The following EIF4G3 variants were observed in gnomAD, a reference collection of about 807,000 sequenced individuals.
EIF4G3 encodes eIF-4-gamma 3.
A neutral mutation model predicts 186.4 loss-of-function variants in EIF4G3; 34 were observed. The ratio of observed to expected loss-of-function variants is 0.18; its 90% CI spans 0.14 to 0.24. EIF4G3 has a LOEUF of 0.24. Among genes scored for constraint, EIF4G3 ranks in the 10% least tolerant of loss-of-function variants. EIF4G3 has a pLI of 1.00. For synonymous variants in EIF4G3, 673 were observed against 679.5 expected, an observed-to-expected ratio of 0.99 and a Z score of 0.15; for missense variants, 1,536 against 1,948.5, an observed-to-expected ratio of 0.79 and a Z score of 3.99.
At chr1:20,994,620 CAT>C (rs1166158997) in intron 7 of EIF4G3, among the ~76,000 whole-genome samples, 2 of 140,702 alleles carry the variant, frequency 1.4e-5, no homozygotes, top group Non-Finnish European at 1.5e-5. Flanking sequence ...ATATAATAAA[CAT>C]ATATACTTTT....
At chr1:21,098,702 G>A (rs1423377552) in intron 2 of EIF4G3, among the ~76,000 whole-genome samples, 2 of 152,148 alleles carry the variant, frequency 1.3e-5, no homozygotes, top group African/African-American at 4.8e-5. Context: ...CCACACTGGA[G>A]TGCAGTTGCA....
intron 14 of EIF4G3, among the ~76,000 whole-genome samples, chr1:20,919,113 T>A (rs988705365): frequency 6.6e-6 from 1 of 152,234 alleles, no homozygotes; most frequent in Non-Finnish European, 1.5e-5. Flanking sequence ...TTAGATGCTT[T>A]GTTTTCTTTT....
chr1:20,814,273 A>T (rs2059903631), intron 34 of EIF4G3, among the ~76,000 whole-genome samples: 1 of 152,116 alleles, frequency 6.6e-6, no homozygotes, highest in Non-Finnish European at 1.5e-5. Flanking sequence ...GACCAGATGA[A>T]TCACATTTTT....
chr1:21,132,415 G>C (rs2097169004), intron 2 of EIF4G3, among the ~76,000 whole-genome samples: 2 of 152,052 alleles, frequency 1.3e-5, no homozygotes, highest in African/African-American at 4.8e-5. Context: ...GGTTCTTTCT[G>C]AATAGTGAAA....
chr1:21,141,424 A>T (rs930932944), intron 2 of EIF4G3, among the ~76,000 whole-genome samples: 1 of 147,762 alleles, frequency 6.8e-6, no homozygotes, highest in African/African-American at 2.5e-5. Context: ...TAAAAAAAAA[A>T]AGTGTGAGAA....
chr1:20,905,922 G>C (rs1186094833), intron 14 of EIF4G3, among the ~76,000 whole-genome samples: 2 of 152,134 alleles, frequency 1.3e-5, no homozygotes, highest in Admixed American at 1.3e-4. Context: ...ATAATTCACT[G>C]AGACTCTGGG....
At chr1:21,014,794 C>T (rs184093788) in intron 4 of EIF4G3, among the ~76,000 whole-genome samples, 18 of 152,146 alleles carry the variant, frequency 1.2e-4, no homozygotes, top group Admixed American at 8.5e-4. Context: ...CTACCACACC[C>T]GGCTAGTTTT....
At chr1:20,903,789 G>A (rs944004596) in intron 15 of EIF4G3, among the ~76,000 whole-genome samples, 11 of 152,210 alleles carry the variant, frequency 7.2e-5, no homozygotes, top group South Asian at 6.2e-4. Flanking sequence ...TAAAAAAGCC[G>A]AATGAAGTAA....
chr1:20,871,151 T>G (rs201949757), intron 20 of EIF4G3, among the ~76,000 whole-genome samples: 3 of 152,220 alleles, frequency 2.0e-5, no homozygotes, highest in East Asian at 1.9e-4. Context: ...ACTGCAAAGT[T>G]ACAAAAGAGG....
intron 30 of EIF4G3, among the ~76,000 whole-genome samples, chr1:20,831,805 G>A (rs1191980225): frequency 1.5e-5 from 2 of 137,790 alleles, no homozygotes; most frequent in African/African-American, 5.4e-5. Context: ...TCTCCTTCCT[G>A]TGTCCATGTG....
intron 19 of EIF4G3, among the ~76,000 whole-genome samples, chr1:20,882,590 C>T (rs1024681700): frequency 1.3e-5 from 2 of 149,612 alleles, no homozygotes; most frequent in African/African-American, 4.9e-5. Flanking sequence ...CACTGTACTC[C>T]AGCCAGGGCG....
At chr1:21,137,927 C>G (rs1162816573) in intron 2 of EIF4G3, among the ~76,000 whole-genome samples, 4 of 151,012 alleles carry the variant, frequency 2.6e-5, no homozygotes, top group East Asian at 3.9e-4. Flanking sequence ...AAAAAGCAAA[C>G]AAAGAAAAGA....
intron 10 of EIF4G3, among the ~76,000 whole-genome samples, chr1:20,979,879 T>C (rs562830682): frequency 1.8e-4 from 27 of 151,994 alleles, no homozygotes; most frequent in African/African-American, 6.3e-4. Flanking sequence ...GCCTCCCGAA[T>C]ATCTGGGACT....
At chr1:20,846,832 T>G (rs188452901) in intron 29 of EIF4G3, among the ~76,000 whole-genome samples, 1 of 152,238 alleles carries the variant, frequency 6.6e-6, no homozygotes, top group South Asian at 2.1e-4. Flanking sequence ...ACTTAATCTC[T>G]TGGGCTTAAC....
chr1:20,899,857 G>T lies in EIF4G3; in HGVS notation c.1839C>A (p.Asp613Glu), dbSNP rs370284743. 8 of 1,613,914 alleles carry T rather than the reference G, an allele frequency of 5.0e-6. No homozygotes were observed. In the African/African-American group the frequency reaches 9.3e-5, roughly 19 times the overall value. Residue 613 changes from aspartate to glutamate, a missense_variant, in exon 16 of 37, where the codon GAC becomes GAA. Physicochemically the swap from Asp to Glu is conservative, Grantham distance 45 (BLOSUM62 2). This residue lies in a region of EIF4G3 where 560 missense variants were observed against 547.8 expected (regional missense o/e 1.02). Transcript: ENST00000602326. ...CTTTCACTTTTTTTAGGTCAGAGGGGTCTCTTTCAGGATGAAACCCCTGGC... is the reference window on the plus strand; with the variant it reads ...CTTTCACTTTTTTTAGGTCAGAGGGTTCTCTTTCAGGATGAAACCCCTGGC... The part of the protein sequence containing the change: ...KMSQGFHPER[D>E]PSDLKKVKAV...
intron 13 of EIF4G3, among the ~76,000 whole-genome samples, chr1:20,946,127 C>T (rs894155969): frequency 2.0e-5 from 3 of 152,146 alleles, no homozygotes; most frequent in African/African-American, 7.2e-5. Flanking sequence ...GAATGCTGAG[C>T]ATCCTGCAAT....
chr1:21,081,636 ATTTTTTTTT>A (rs566655576), intron 3 of EIF4G3, among the ~76,000 whole-genome samples: 2 of 122,772 alleles, frequency 1.6e-5, no homozygotes, highest in Middle Eastern at 4.3e-3. Flanking sequence ...GATGAGTCCA[ATTTTTTTTT>A]TTTTTTTTTT....
At chr1:20,865,575 A>C (rs77736375) in intron 20 of EIF4G3, among the ~76,000 whole-genome samples, 1 of 151,886 alleles carries the variant, frequency 6.6e-6, no homozygotes, top group East Asian at 1.9e-4. Context: ...AAAAAAAAAA[A>C]CTGTGTAGAG....
At chr1:21,087,382 G>A (rs1215798967) in intron 3 of EIF4G3, among the ~76,000 whole-genome samples, 3 of 152,116 alleles carry the variant, frequency 2.0e-5, no homozygotes, top group Admixed American at 6.5e-5. Context: ...CAGCACTTTC[G>A]TAGGCCAAGG....
Sources: gnomAD v4.1 joint callset for allele counts (sites outside exome capture counted in the v4.1 genomes callset) on GRCh38, gnomAD v4.1.1 for gene constraint, gnomAD v4.1.1 regional missense constraint, MANE v1.5 for transcripts, NCBI Gene and HGNC (gene_info 2026-07-23, HGNC 2026-07-21) for gene names.